CCDC149: variants seen among roughly 807,000 people sequenced by gnomAD.
The protein encoded by CCDC149 is coiled-coil domain-containing protein 149.
CCDC149 carries 45 observed loss-of-function variants against 59.9 expected under a neutral mutation model. The observed-to-expected ratio is 0.75, with a 90% CI of 0.59 to 0.96. The LOEUF (loss-of-function observed/expected upper bound fraction) is 0.96. Ranked by LOEUF, CCDC149 falls within the 40% of genes least tolerant of loss-of-function variation. CCDC149 has a pLI of 0.00. For missense variants in CCDC149, 584 were observed against 664.7 expected (o/e 0.88, Z 1.33); for synonymous variants, 245 against 260.6 (o/e 0.94, Z 0.58).
chr4:24,830,810 C>G (rs1716094863), intron 9 of CCDC149: 1 of 152,206 alleles, frequency 6.6e-6, no homozygotes, highest in South Asian at 2.1e-4. Flanking sequence ...AAGATCAGAC[C>G]TAATGTGGGG....
chr4:24,871,721 A>G (rs1323834306), intron 3 of CCDC149, among the ~76,000 whole-genome samples: 4 of 152,146 alleles, frequency 2.6e-5, no homozygotes, highest in East Asian at 1.9e-4. Flanking sequence ...CACACTCTCA[A>G]TCCTAAAGGG....
At chr4:24,808,908 A>C (rs1170152767) in intron 12 of CCDC149, 89 bp from the exon 13 acceptor site, 1 of 1,228,774 alleles carries the variant, frequency 8.1e-7, no homozygotes, top group East Asian at 2.5e-5. Context: ...CCAGCCTACC[A>C]GCACAGGGCC....
Position 24,835,117 on chromosome 4 carries a change from C to T in CCDC149, c.736-85G>A. The T allele has an allele frequency of 3.6e-6, 3 of 822,470 alleles. 1 individual carries two copies. The highest frequency in any genetic ancestry group is 6.0e-6 in the Non-Finnish European group (3 of 497,140). The allele number at this position is 822,470 out of a possible 1,614,324, so 50.9% of individuals were successfully genotyped here. A position where few individuals can be genotyped will look rare whatever the true frequency, so the allele number is the denominator to read the frequency against. On this transcript the variant is annotated intron_variant, in intron 7 of 12. Coordinates refer to ENST00000635206, the MANE Select transcript of CCDC149 (RefSeq NM_001330643.2). ...CTAGCAGATGCCTTCTCTCATCGGC[C>T]CACAAGAACCCCTTGCAAACTCCAA...
intron 2 of CCDC149, among the ~76,000 whole-genome samples, chr4:24,874,936 A>T (rs1474085356): frequency 6.6e-6 from 1 of 152,226 alleles, no homozygotes; most frequent in Non-Finnish European, 1.5e-5. Flanking sequence ...TAGAGAAAAT[A>T]AAAAAGCGCA....
intron 1 of CCDC149, among the ~76,000 whole-genome samples, chr4:24,890,323 T>A (rs1227615740): frequency 6.6e-6 from 1 of 151,782 alleles, no homozygotes; most frequent in Non-Finnish European, 1.5e-5. Context: ...TTACCCCCCT[T>A]TACAGGCGAA....
At chr4:24,873,039 T>G (rs114079729) in intron 3 of CCDC149, among the ~76,000 whole-genome samples, 2,873 of 151,294 alleles carry the variant, frequency 0.019, 82 homozygotes, top group African/African-American at 0.066. Flanking sequence ...CCAAATGGTA[T>G]GCACCCACCA....
intron 4 of CCDC149, among the ~76,000 whole-genome samples, chr4:24,841,706 C>T (rs1716949547): frequency 6.6e-6 from 1 of 152,228 alleles, no homozygotes; most frequent in Admixed American, 6.5e-5. Flanking sequence ...GGGCCTGCAT[C>T]CTGGCCCCAC....
chr4:24,891,340 T>C (rs893222874), intron 1 of CCDC149, among the ~76,000 whole-genome samples: 4 of 152,192 alleles, frequency 2.6e-5, no homozygotes, highest in Non-Finnish European at 5.9e-5. Flanking sequence ...GGTCTGTTTC[T>C]CTGGCTGATA....
intron 1 of CCDC149, among the ~76,000 whole-genome samples, chr4:24,902,107 T>G (rs145769312): frequency 6.6e-6 from 1 of 152,188 alleles, no homozygotes; most frequent in South Asian, 2.1e-4. Context: ...AAGGGTTAGG[T>G]TGAAAACTAC....
chr4:24,813,426 C>G (rs1014009039), intron 12 of CCDC149, among the ~76,000 whole-genome samples: 1 of 148,118 alleles, frequency 6.8e-6, no homozygotes, highest in African/African-American at 2.5e-5. Flanking sequence ...CCAAACATGG[C>G]TTGGATTTCT....
At chr4:24,874,240 A>ATTTTTTTTTTTTTTTTTT (rs1560230340) in intron 2 of CCDC149, among the ~76,000 whole-genome samples, 2 of 85,688 alleles carry the variant, frequency 2.3e-5, no homozygotes, top group African/African-American at 1.2e-4. Context: ...GTCCTATTAG[A>ATTTTTTTTTTTTTTTTTT]TTTGTTTTTT....
intron 1 of CCDC149, among the ~76,000 whole-genome samples, chr4:24,938,688 T>C (rs1722854832): frequency 6.6e-6 from 1 of 151,656 alleles, no homozygotes; most frequent in African/African-American, 2.4e-5. Flanking sequence ...ATTGGGTCAC[T>C]CCCACCCTAA....
intron 1 of CCDC149, among the ~76,000 whole-genome samples, chr4:24,931,169 CATATATATGTATATGTGTGTAT>C (rs955780731): frequency 2.0e-5 from 3 of 150,136 alleles, no homozygotes; most frequent in African/African-American, 7.3e-5. Context: ...CCATGATCAT[CATATATATGTATATGTGTGTAT>C]ATATATATAT....
chr4:24,906,587 G>A (rs1209960403), intron 1 of CCDC149, among the ~76,000 whole-genome samples: 6 of 151,526 alleles, frequency 4.0e-5, no homozygotes, highest in Middle Eastern at 3.2e-3. Flanking sequence ...TAGTAGAGAC[G>A]AGGTTTTGCC....
At chr4:24,833,123 T>A (rs895932768) in intron 8 of CCDC149, among the ~76,000 whole-genome samples, 2 of 150,622 alleles carry the variant, frequency 1.3e-5, no homozygotes, top group African/African-American at 4.9e-5. Context: ...CAAAGGAAGA[T>A]AAACTAAGAG....
At chr4:24,923,888 C>T (rs1359219791) in intron 1 of CCDC149, among the ~76,000 whole-genome samples, 2 of 152,194 alleles carry the variant, frequency 1.3e-5, no homozygotes, top group Admixed American at 1.3e-4. Context: ...GGCAGCCCTG[C>T]TACCCAAGGC....
At chr4:24,965,730 C>G (rs4697508) in intron 1 of CCDC149, among the ~76,000 whole-genome samples, 5 of 152,096 alleles carry the variant, frequency 3.3e-5, no homozygotes, top group African/African-American at 1.2e-4. Context: ...TTGAGAAACT[C>G]GAAAAACAAG....
At chr4:24,846,807 G>A (rs1717316010) in intron 4 of CCDC149, among the ~76,000 whole-genome samples, 1 of 152,212 alleles carries the variant, frequency 6.6e-6, no homozygotes, top group Non-Finnish European at 1.5e-5. Flanking sequence ...GTGTAAATGT[G>A]TGACATTGGT....
intron 1 of CCDC149, among the ~76,000 whole-genome samples, chr4:24,912,087 C>G (rs1721907980): frequency 6.6e-6 from 1 of 152,158 alleles, no homozygotes; most frequent in Non-Finnish European, 1.5e-5. Flanking sequence ...GCAGCTTCTC[C>G]CGGCAGGCCG....
Sources: allele counts gnomAD v4.1 joint callset (sites outside exome capture counted in the v4.1 genomes callset), GRCh38; gene constraint gnomAD v4.1.1; transcripts MANE v1.5; gene names NCBI Gene and HGNC (gene_info 2026-07-23, HGNC 2026-07-21).